Variants in PTPRF observed in about 807,000 individuals in gnomAD.
The protein encoded by PTPRF is receptor-type tyrosine-protein phosphatase F.
Under a neutral mutation model 201.8 loss-of-function variants are expected in PTPRF, and 59 were observed. That is an observed-to-expected ratio of 0.29 (90% confidence interval 0.24 to 0.36). The LOEUF (loss-of-function observed/expected upper bound fraction) is 0.36. PTPRF is among the 10% of genes least tolerant of loss of function. PTPRF has a pLI of 1.00. For missense variants in PTPRF, 2,132 were observed against 2,690.5 expected, an observed-to-expected ratio of 0.79 and a Z score of 4.59; for synonymous variants, 1,088 against 1,089.7, an observed-to-expected ratio of 1.00 and a Z score of 0.03.
chr1:43,620,282 G>A, intron 30 of PTPRF, 61 bp downstream of exon 30: 7 of 1,599,970 alleles, frequency 4.4e-6, no homozygotes, highest in Middle Eastern at 1.7e-4. Flanking sequence ...GCCACCCTTG[G>A]GGGAGCTGCC....
intron 21 of PTPRF, among the ~76,000 whole-genome samples, chr1:43,608,037 G>A (rs1321677523): frequency 3.9e-5 from 6 of 152,240 alleles, no homozygotes; most frequent in Non-Finnish European, 8.8e-5. Context: ...CCTGTATCCT[G>A]TGTGCCTACC....
intron 2 of PTPRF, among the ~76,000 whole-genome samples, chr1:43,539,743 C>T (rs1644246814): frequency 6.6e-6 from 1 of 152,134 alleles, no homozygotes. Context: ...AACTCGAAGT[C>T]CAGTCTTGCC....
intron 2 of PTPRF, among the ~76,000 whole-genome samples, chr1:43,538,705 C>T (rs945946819): frequency 1.3e-5 from 2 of 152,192 alleles, no homozygotes; most frequent in African/African-American, 4.8e-5. Context: ...CTTCTCCATT[C>T]GCCACGTTTC....
At chr1:43,608,141 C>T (rs532172554) in intron 21 of PTPRF, among the ~76,000 whole-genome samples, 1 of 152,338 alleles carries the variant, frequency 6.6e-6, no homozygotes, top group African/African-American at 2.4e-5. Flanking sequence ...CACAGATGCA[C>T]TCATCCTTCC....
chr1:43,557,456 A>C (rs1000162258), intron 5 of PTPRF, among the ~76,000 whole-genome samples: 1 of 152,136 alleles, frequency 6.6e-6, no homozygotes, highest in African/African-American at 2.4e-5. Context: ...CAACATGGCA[A>C]AACCCCATCT....
At chr1:43,574,985 G>T (rs539262238) in intron 6 of PTPRF, among the ~76,000 whole-genome samples, 1 of 152,210 alleles carries the variant, frequency 6.6e-6, no homozygotes. Context: ...AAACGGATTG[G>T]TGTTGATTTT....
Position 43,592,419 on chromosome 1 carries a change from G to GC in PTPRF, c.1669-37dup, listed in dbSNP as rs564527431. ...GGGAACAACCTGTGAGTGACTTTGA[G>GC]CTCAGAGCTGTCAGTGAGTGCTCCC... On this transcript the variant is annotated intron_variant, in intron 10 of 33. Coordinates refer to ENST00000359947, the MANE Select transcript of PTPRF (RefSeq NM_002840.5). 7.1e-5 allele frequency: 112 copies of GC among 1,575,270 alleles called. No homozygotes were observed. In the African/African-American group the frequency reaches 1.3e-3, roughly 19 times the overall value.
intron 3 of PTPRF, among the ~76,000 whole-genome samples, chr1:43,548,160 G>C (rs1419025707): frequency 6.6e-6 from 1 of 151,918 alleles, no homozygotes; most frequent in Non-Finnish European, 1.5e-5. Context: ...CGGGGAAGAA[G>C]CACGAATGTG....
chr1:43,579,623 A>G (rs752963), intron 7 of PTPRF: 27,441 of 263,736 alleles, frequency 0.1, 1,809 homozygotes, highest in African/African-American at 0.19. Context: ...AATCTCTGCT[A>G]TGCTCACAGC....
intron 19 of PTPRF, among the ~76,000 whole-genome samples, chr1:43,605,907 C>T (rs759151720): frequency 9.2e-5 from 14 of 152,160 alleles, no homozygotes; most frequent in South Asian, 2.1e-4. Flanking sequence ...TGCAGAGCCT[C>T]GCAGATCTAG....
rs1032065383 is a variant in PTPRF, at chr1:43,542,936, C to G, written c.-45-2095C>G. Among the ~76,000 whole-genome samples the G allele has an allele frequency of 1.3e-5, 2 of 152,124 alleles. No individual in the cohort carries two copies. The highest frequency in any genetic ancestry group is 4.8e-5 in the African/African-American group (2 of 41,418). On this transcript the variant is annotated intron_variant, in intron 2 of 33. Coordinates refer to ENST00000359947, the MANE Select transcript of PTPRF (RefSeq NM_002840.5). The surrounding 1 kb of genome is among the most constrained non-coding windows in gnomAD (Gnocchi z 5.2). Reference sequence around the variant, plus strand: ...ATATGCTCATGCTGGGGGCCTATGTCCCTATGAAGCCTGCCTGGCAGGGGT... The same window carrying G: ...ATATGCTCATGCTGGGGGCCTATGTGCCTATGAAGCCTGCCTGGCAGGGGT...
intron 1 of PTPRF, among the ~76,000 whole-genome samples, chr1:43,532,228 C>A (rs189664258): frequency 4.8e-4 from 73 of 152,272 alleles, no homozygotes; most frequent in African/African-American, 1.8e-3. Context: ...TCTTCCACCC[C>A]GGAGGGGGAG....
At position 43,554,814 on chromosome 1, in the gene PTPRF, G is replaced by T. The variant is rs1645242301; in HGVS notation, c.379+873G>T. Among the ~76,000 whole-genome samples the T allele has an allele frequency of 6.6e-6, 1 of 151,878 alleles. No homozygotes were observed. Among genetic ancestry groups the T allele is most frequent in the African/African-American group, 2.4e-5 (1 of 41,346 alleles). On this transcript the variant is annotated intron_variant, in intron 5 of 33. Coordinates refer to ENST00000359947, the MANE Select transcript of PTPRF (RefSeq NM_002840.5). The surrounding 1 kb of genome is among the most constrained non-coding windows in gnomAD (Gnocchi z 4.1). ...AATGTGTTTATGTTTTCAAAATATA[G>T]CATCGATTGTTGCTTGCTTTTTTTT...
At chr1:43,607,083 C>T in intron 21 of PTPRF, 115 bp downstream of exon 21, 1 of 1,364,612 alleles carries the variant, frequency 7.3e-7, no homozygotes, top group Non-Finnish European at 1.0e-6. Context: ...CCCTGAGCCT[C>T]AGGCTCAGCA....
chr1:43,566,549 G>A (rs964537915), intron 5 of PTPRF, among the ~76,000 whole-genome samples: 4 of 152,224 alleles, frequency 2.6e-5, no homozygotes, highest in Non-Finnish European at 5.9e-5. Context: ...AAGGTGGTAA[G>A]TGTGCCAGTC....
At position 43,597,855 on chromosome 1, in the gene PTPRF, C is replaced by G. The variant is rs1652755285; in HGVS notation, c.1921C>G (p.Gln641Glu). The change falls in exon 12 of 34, where the codon CAG becomes GAG. Residue 641 changes from glutamine (Q) to glutamate (E), a missense_variant. Gln to Glu is a conservative substitution (Grantham distance 29). Transcript: ENST00000359947. Reference protein sequence around the residue: ...PADSRNGVITQYSVAYEAVDG... With the variant: ...PADSRNGVITEYSVAYEAVDG... ...CGACAGCCGCAACGGCGTTATCACC[C>G]AGTACTCCGTGGCCTACGAGGCGGT... 6.2e-7 allele frequency: 1 copy of G among 1,608,904 alleles called. No individual in the cohort carries two copies. Among genetic ancestry groups the G allele is most frequent in the Non-Finnish European group, 8.5e-7 (1 of 1,178,242 alleles).
At chr1:43,574,455 A>T (rs2153992128) in intron 6 of PTPRF, among the ~76,000 whole-genome samples, 1 of 152,294 alleles carries the variant, frequency 6.6e-6, no homozygotes, top group East Asian at 1.9e-4. Flanking sequence ...AAACAAAAAT[A>T]TTTACCAAGA....
At chr1:43,618,039 T>C in intron 25 of PTPRF, 128 bp downstream of exon 25, 1 of 981,106 alleles carries the variant, frequency 1.0e-6, no homozygotes, top group Non-Finnish European at 1.5e-6. Flanking sequence ...GATGCTATTG[T>C]TACTGGGGGT....
At position 43,606,443 on chromosome 1, in the gene PTPRF, G is replaced by A; in HGVS notation, c.3687G>A (p.Lys1229=). 1 of 1,613,694 alleles carries A rather than the reference G, an allele frequency of 6.2e-7. No homozygotes were observed. The highest frequency in any genetic ancestry group is 8.5e-7 in the Non-Finnish European group (1 of 1,179,868). The part of the protein sequence containing the change: ...SYQCFVLASL[K]EPMDQKRYAS... ...AGTGCTTTGTGCTTGCCTCCTTGAA[G>A]GAACCCATGGACCAGGTCTGCCTGA... The change falls in exon 20 of 34, where the codon AAG becomes AAA. Residue 1229 remains lysine (K), a synonymous_variant. Transcript: ENST00000359947.
Sources: allele counts gnomAD v4.1 joint callset (sites outside exome capture counted in the v4.1 genomes callset), GRCh38; gene constraint gnomAD v4.1.1; non-coding constraint Gnocchi (gnomAD v3.1); transcripts MANE v1.5; gene names NCBI Gene and HGNC (gene_info 2026-07-23, HGNC 2026-07-21).